Variants in KLF12 observed in about 807,000 individuals in gnomAD.
KLF12 encodes the protein KLF transcription factor 12.
Under a neutral mutation model 37.8 loss-of-function variants are expected in KLF12, and 9 were observed. The ratio of observed to expected loss-of-function variants is 0.24; its 90% CI spans 0.14 to 0.42. KLF12 has a LOEUF of 0.42. Ranked by LOEUF, KLF12 falls within the 10% of genes least tolerant of loss-of-function variation. KLF12 has a pLI of 1.00. For synonymous variants in KLF12, 208 were observed against 202.1 expected (o/e 1.03, Z -0.25); for missense variants, 411 against 516.0 (o/e 0.80, Z 1.97).
In KLF12 at chr13:73,695,402, G is replaced by T; in HGVS notation, c.*88C>A. ...TCGTGGGATGGTGATGCCCTTTTGT[G>T]TTAACACTGTGAAGGGGATTCAGCC... On this transcript the variant is annotated 3_prime_UTR_variant, in exon 8 of 8. Transcript: ENST00000377669. The T allele has an allele frequency of 2.3e-6, 3 of 1,308,634 alleles. No homozygotes were observed. Among genetic ancestry groups the T allele is most frequent in the Non-Finnish European group, 3.2e-6 (3 of 926,086 alleles). The allele number at this position is 1,308,634 out of a possible 1,614,324, so 81.1% of individuals were successfully genotyped here.
At chr13:73,999,836 G>A (rs1017242340) in intron 1 of KLF12, among the ~76,000 whole-genome samples, 2 of 152,152 alleles carry the variant, frequency 1.3e-5, no homozygotes, top group East Asian at 1.9e-4. Context: ...GGAAGTTTCA[G>A]GAACTCCATC....
At chr13:73,804,698 C>G (rs544812635) in intron 5 of KLF12, among the ~76,000 whole-genome samples, 29 of 152,268 alleles carry the variant, frequency 1.9e-4, no homozygotes, top group Admixed American at 1.8e-3. Flanking sequence ...GCATTTATCT[C>G]CCCTGGCAAG....
the KLF12 span, among the ~76,000 whole-genome samples, chr13:74,269,234 T>G: frequency 5.9e-5 from 9 of 152,310 alleles, no homozygotes; most frequent in African/African-American, 9.6e-5. Flanking sequence ...ATCTTCATGA[T>G]TTTCCATAAA....
At chr13:73,884,772 C>A (rs989294566) in intron 3 of KLF12, among the ~76,000 whole-genome samples, 4 of 152,222 alleles carry the variant, frequency 2.6e-5, no homozygotes, top group Non-Finnish European at 5.9e-5. Flanking sequence ...TAAAGAGCCA[C>A]AGGAGATTAG....
At chr13:74,135,096 A>G (rs1878496435), upstream of KLF12, among the ~76,000 whole-genome samples, 1 of 149,956 alleles carries the variant, frequency 6.7e-6, no homozygotes, top group Non-Finnish European at 1.5e-5. Context: ...CAGGCAGGGG[A>G]GTCATTGTTT....
At chr13:73,696,084 C>T (rs1051666773) in intron 7 of KLF12, among the ~76,000 whole-genome samples, 1 of 149,210 alleles carries the variant, frequency 6.7e-6, no homozygotes, top group African/African-American at 2.5e-5. Flanking sequence ...CACGCTTCCC[C>T]CTACCAACTG....
intron 6 of KLF12, among the ~76,000 whole-genome samples, chr13:73,721,329 G>A (rs1876228690): frequency 6.6e-6 from 1 of 151,874 alleles, no homozygotes. Flanking sequence ...ATGATAGAAG[G>A]GGAAAAAGCA....
intron 3 of KLF12, among the ~76,000 whole-genome samples, chr13:73,853,411 G>A (rs990359873): frequency 6.6e-6 from 1 of 152,162 alleles, no homozygotes; most frequent in African/African-American, 2.4e-5. Flanking sequence ...GTGTGAGTGA[G>A]TGAGGAGGAG....
intron 4 of KLF12, among the ~76,000 whole-genome samples, chr13:73,830,594 C>T (rs1292297799): frequency 6.6e-6 from 1 of 152,130 alleles, no homozygotes; most frequent in Non-Finnish European, 1.5e-5. Flanking sequence ...TTTTATTGAA[C>T]TCATTAATCT....
the KLF12 span, among the ~76,000 whole-genome samples, chr13:74,204,761 C>A: frequency 1.3e-5 from 2 of 152,146 alleles, no homozygotes; most frequent in African/African-American, 4.8e-5. Context: ...TGCATGGCAT[C>A]TGAAGGGACT....
intron 5 of KLF12, among the ~76,000 whole-genome samples, chr13:73,770,486 T>G (rs1358919830): frequency 6.6e-6 from 1 of 152,068 alleles, no homozygotes; most frequent in East Asian, 1.9e-4. Context: ...TTTAGAAAAG[T>G]GGGCTGAACT....
intron 1 of KLF12, among the ~76,000 whole-genome samples, chr13:74,002,393 G>A (rs1191623102): frequency 1.3e-5 from 2 of 151,854 alleles, no homozygotes. Flanking sequence ...TTATGTTTTC[G>A]AGACAGGGTC....
At chr13:74,299,673 G>C in the KLF12 span, among the ~76,000 whole-genome samples, 1 of 152,182 alleles carries the variant, frequency 6.6e-6, no homozygotes, top group African/African-American at 2.4e-5. Flanking sequence ...CTGCCATAGA[G>C]AGTTTTGATG....
chr13:74,080,211 A>T (rs1033598548), intron 1 of KLF12, among the ~76,000 whole-genome samples: 3 of 152,144 alleles, frequency 2.0e-5, no homozygotes, highest in Admixed American at 2.0e-4. Context: ...CCAAGGCTGG[A>T]GGATCACTTG....
chr13:73,695,586 A>G lies in KLF12; in HGVS notation c.1113T>C (p.His371=), dbSNP rs1874089479. 1 of 1,613,958 alleles carries G rather than the reference A, an allele frequency of 6.2e-7. No individual in the cohort carries two copies. Reference sequence around the variant, plus strand: ...CGCACTTGAATGGCTTCACTCCCGTATGTTTGCGGTAATGCCTCGTCAGTT... The same window carrying G: ...CGCACTTGAATGGCTTCACTCCCGTGTGTTTGCGGTAATGCCTCGTCAGTT... The change falls in exon 8 of 8, where the codon CAT becomes CAC. Residue 371 remains histidine (H), a synonymous_variant. Transcript: ENST00000377669.
the KLF12 span, among the ~76,000 whole-genome samples, chr13:74,192,495 C>T: frequency 6.6e-6 from 1 of 152,084 alleles, no homozygotes; most frequent in Non-Finnish European, 1.5e-5. Context: ...GGTGTAGAGG[C>T]TCTGTAATAT....
the KLF12 span, among the ~76,000 whole-genome samples, chr13:74,200,117 T>C: frequency 6.6e-6 from 1 of 152,048 alleles, no homozygotes; most frequent in African/African-American, 2.4e-5. Flanking sequence ...CTGTGATCAT[T>C]TGCATAATGG....
At chr13:73,824,930 G>A (rs546912928) in intron 4 of KLF12, among the ~76,000 whole-genome samples, 39 of 152,174 alleles carry the variant, frequency 2.6e-4, no homozygotes, top group Admixed American at 8.5e-4. Context: ...TTAGCCAGGC[G>A]TGGTGGCGTG....
At chr13:74,070,636 GA>G (rs1874177817) in intron 1 of KLF12, among the ~76,000 whole-genome samples, 1 of 152,212 alleles carries the variant, frequency 6.6e-6, no homozygotes, top group Non-Finnish European at 1.5e-5. Context: ...AATTGGTCAT[GA>G]AGAAGCTGAT....
Sources: gnomAD v4.1 joint callset for allele counts (sites outside exome capture counted in the v4.1 genomes callset) on GRCh38, gnomAD v4.1.1 for gene constraint, MANE v1.5 for transcripts, NCBI Gene and HGNC (gene_info 2026-07-23, HGNC 2026-07-21) for gene names.